The following ATP12A variants were observed in gnomAD, a reference collection of about 807,000 sequenced individuals.
ATP12A encodes potassium-transporting ATPase alpha chain 2.
A neutral mutation model predicts 111.2 loss-of-function variants in ATP12A; 81 were observed. The observed-to-expected ratio is 0.73, with a 90% CI of 0.61 to 0.88. The LOEUF is 0.88. Ranked by LOEUF, ATP12A falls within the 40% of genes least tolerant of loss-of-function variation. The pLI, the probability that ATP12A is intolerant of heterozygous loss-of-function variation, is 0.00. For missense variants in ATP12A, 1,196 were observed against 1,313.1 expected, an observed-to-expected ratio of 0.91 and a Z score of 1.38; for synonymous variants, 498 against 499.8, an observed-to-expected ratio of 1.00 and a Z score of 0.05.
chr13:24,683,066 C>G (rs1874540885), intron 2 of ATP12A, among the ~76,000 whole-genome samples: 1 of 151,716 alleles, frequency 6.6e-6, no homozygotes, highest in African/African-American at 2.4e-5. Context: ...AAGCGATTCT[C>G]TTGCCTCGGC....
chr13:24,710,756 G>A, intron 20 of ATP12A, 36 bp from the exon 21 acceptor site: 1 of 1,610,584 alleles, frequency 6.2e-7, no homozygotes, highest in Non-Finnish European at 8.5e-7. Flanking sequence ...GAAGCCACAA[G>A]AATCCCAAGT....
rs747209811 is a variant in ATP12A, at chr13:24,685,372, T to A, written c.227T>A (p.Met76Lys). 2 of 1,614,048 alleles carry A rather than the reference T, an allele frequency of 1.2e-6. No individual in the cohort carries two copies. The highest frequency in any genetic ancestry group is 2.2e-5 in the South Asian group (2 of 91,080). The change falls in exon 3 of 23, where the codon ATG (methionine) becomes AAG (lysine). Residue 76 changes from methionine to lysine, a missense_variant and splice_region_variant. Physicochemically the swap from Met to Lys is moderately conservative, Grantham distance 95. This residue lies in a region of ATP12A where 1,126 missense variants were observed against 1,228.5 expected (regional missense o/e 0.92). Coordinates refer to ENST00000381946, the MANE Select transcript of ATP12A (RefSeq NM_001676.7). This position sits in a 1 kb window ranked among gnomAD's most constrained non-coding sequence, Gnocchi z 5.5. Reference sequence around the variant, plus strand: ...GAGAAATATGGCACAGACATCATTATGGTGAGTCGTGGGAACCAGGGATTT... The same window carrying A: ...GAGAAATATGGCACAGACATCATTAAGGTGAGTCGTGGGAACCAGGGATTT... ...LEEKYGTDIIMGLSSTRAAEL... is the reference protein window; with the variant it reads ...LEEKYGTDIIKGLSSTRAAEL...
chr13:24,707,308 A>C lies in ATP12A; in HGVS notation c.2368A>C (p.Thr790Pro), dbSNP rs779242576. 3.1e-6 allele frequency: 5 copies of C among 1,614,142 alleles called. No homozygotes were observed. The highest frequency in any genetic ancestry group is 2.5e-6 in the Non-Finnish European group (3 of 1,180,022). ...GRLIFDNLKK[T>P]IAYSLTKNIA... is the part of the protein sequence containing the mutation. Reference sequence around the variant, plus strand: ...CCTGATCTTTGACAACCTCAAGAAGACTATTGCTTATTCCCTGACCAAGAA... The same window carrying C: ...CCTGATCTTTGACAACCTCAAGAAGCCTATTGCTTATTCCCTGACCAAGAA... The change falls in exon 17 of 23, where the codon ACT (threonine) becomes CCT (proline). Residue 790 changes from threonine (T) to proline (P), a missense_variant. By Grantham distance (38) the Thr-to-Pro change is conservative (BLOSUM62 -1). Coordinates refer to ENST00000381946, the MANE Select transcript of ATP12A (RefSeq NM_001676.7).
chr13:24,691,701 A>G lies in ATP12A; in HGVS notation c.1068+451A>G, dbSNP rs1874913880. ...CCAGCCCTTTCCTGGCCAACCCCAG[A>G]CCCAGCTGTTTGTATGGGCCCATGT... On this transcript the variant is annotated intron_variant, in intron 8 of 22. Coordinates refer to ENST00000381946, the MANE Select transcript of ATP12A (RefSeq NM_001676.7). 2.0e-5 allele frequency among the ~76,000 whole-genome samples: 3 copies of G among 151,740 alleles called. No homozygotes were observed. In the South Asian group the frequency reaches 6.2e-4, roughly 32 times the overall value.
At chr13:24,690,792 T>A in intron 7 of ATP12A, 71 bp downstream of exon 7, 1 of 1,492,338 alleles carries the variant, frequency 6.7e-7, no homozygotes. Flanking sequence ...CTCAGGTCTG[T>A]CCTTTGCCAC....
chr13:24,708,946 A>AAAGGAAGGAAGGAAGGAAGG (rs1555255696), intron 17 of ATP12A, among the ~76,000 whole-genome samples: 5 of 100,234 alleles, frequency 5.0e-5, no homozygotes, highest in Non-Finnish European at 7.2e-5. Context: ...AGAAAGAAAG[A>AAAGGAAGGAAGGAAGGAAGG]AAGAAAGAAA....
At chr13:24,708,922 A>AAAGAAAGC (rs1875806007) in intron 17 of ATP12A, among the ~76,000 whole-genome samples, 1 of 133,058 alleles carries the variant, frequency 7.5e-6, no homozygotes, top group Non-Finnish European at 1.6e-5. Context: ...AGAAAGAAAG[A>AAAGAAAGC]AAGAAAGAAA....
intron 8 of ATP12A, 55 bp downstream of exon 8, chr13:24,691,305 G>T: frequency 6.5e-7 from 1 of 1,543,096 alleles, no homozygotes; most frequent in Admixed American, 1.8e-5. Flanking sequence ...CAGCACTGGT[G>T]CTGGGGAGGC....
chr13:24,694,446 A>G lies in ATP12A; in HGVS notation c.1380A>G (p.Lys460=), dbSNP rs766767153. 6 of 1,612,380 alleles carry G rather than the reference A, an allele frequency of 3.7e-6. No homozygotes were observed. The highest frequency in any genetic ancestry group is 1.7e-4 in the Middle Eastern group (1 of 6,050). ...PGQENVPIMK[K]AVIGDASETA... ...TATTTTTCTTCTTTGATTCCCAGAA[A>G]GCTGTGATTGGAGATGCCTCAGAAA... is the stretch of plus-strand genomic sequence containing the variant. The change falls in exon 11 of 23, where the codon AAA becomes AAG. Residue 460 remains lysine (K), a splice_region_variant and synonymous_variant. Coordinates refer to ENST00000381946, the MANE Select transcript of ATP12A (RefSeq NM_001676.7).
Position 24,685,269 on chromosome 13 carries a change from T to A in ATP12A, c.169-45T>A. The A allele has an allele frequency of 1.3e-6, 2 of 1,587,642 alleles. No homozygotes were observed. The highest frequency in any genetic ancestry group is 1.7e-6 in the Non-Finnish European group (2 of 1,156,074). ...GGTCAAAGCTTGGGGCTTGAGTCTT[T>A]TGGAATTATCTAATTCACTCTGTTC... On this transcript the variant is annotated intron_variant, in intron 2 of 22. Transcript: ENST00000381946. The surrounding 1 kb of genome is among the most constrained non-coding windows in gnomAD (Gnocchi z 5.5).
Position 24,710,821 on chromosome 13 carries a change from C to A in ATP12A, c.2927C>A (p.Ser976Ter). The change falls in exon 21 of 23, where the codon TCA becomes TAA. Residue 976 changes from serine (S) to a stop codon, truncating the protein, a stop_gained. Transcript: ENST00000381946. LOFTEE classifies it high-confidence loss of function. ...AAAGTCATCTGGGTGGGGATCACCT[C>A]ACAGATCATCATTGGTCTGATCCTC... is the stretch of plus-strand genomic sequence containing the variant. ...RNKVIWVGIT[S>*]QIIIGLILSY... 6.2e-7 allele frequency: 1 copy of A among 1,614,208 alleles called. No individual in the cohort carries two copies. Among genetic ancestry groups the A allele is most frequent in the Non-Finnish European group, 8.5e-7 (1 of 1,180,038 alleles).
chr13:24,698,976 T>G, intron 12 of ATP12A, 126 bp downstream of exon 12: 2 of 1,204,258 alleles, frequency 1.7e-6, no homozygotes, highest in Non-Finnish European at 2.3e-6. Flanking sequence ...GAGAACATGA[T>G]AAGCAGGATG....
chr13:24,685,632 G>A lies in ATP12A; in HGVS notation c.228+259G>A, dbSNP rs765761344. On this transcript the variant is annotated intron_variant, in intron 3 of 22. Transcript: ENST00000381946. This position sits in a 1 kb window ranked among gnomAD's most constrained non-coding sequence, Gnocchi z 5.5. ...CCCTGGCCTCAAGGAGAAAGTGGCC[G>A]GGTAGGGGAGGCAAATGTGTATGGA... 6.6e-6 allele frequency among the ~76,000 whole-genome samples: 1 copy of A among 152,188 alleles called. No individual in the cohort carries two copies. The highest frequency in any genetic ancestry group is 1.5e-5 in the Non-Finnish European group (1 of 68,042).
rs1161838954 is a variant in ATP12A, at chr13:24,711,412, G to C, written c.3091+3G>C. 6.2e-7 allele frequency: 1 copy of C among 1,613,866 alleles called. No homozygotes were observed. Among genetic ancestry groups the C allele is most frequent in the Admixed American group, 1.7e-5 (1 of 60,000 alleles). On this transcript the variant is annotated splice_donor_region_variant and intron_variant, in intron 22 of 22. Coordinates refer to ENST00000381946, the MANE Select transcript of ATP12A (RefSeq NM_001676.7). Reference sequence around the variant, plus strand: ...CTTCATCAGGCTCTACCCTGGAAGTGAGTAGCCTATGATTTTAGAGGCTCT... The same window carrying C: ...CTTCATCAGGCTCTACCCTGGAAGTCAGTAGCCTATGATTTTAGAGGCTCT...
intron 20 of ATP12A, 81 bp downstream of exon 20, chr13:24,710,674 A>C: frequency 1.2e-6 from 2 of 1,607,180 alleles, no homozygotes; most frequent in Non-Finnish European, 1.7e-6. Context: ...CACAAGACAG[A>C]GTTCTGGCCA....
intron 12 of ATP12A, 108 bp from the exon 13 acceptor site, chr13:24,700,639 T>C (rs1420129468): frequency 7.3e-6 from 7 of 961,240 alleles, no homozygotes; most frequent in Non-Finnish European, 1.1e-5. Flanking sequence ...CTTATTCTAA[T>C]GTATTGGTAA....
At chr13:24,682,959 CT>C (rs34361489) in intron 2 of ATP12A, among the ~76,000 whole-genome samples, 34,837 of 138,898 alleles carry the variant, frequency 0.25, 4,616 homozygotes, top group East Asian at 0.51. Context: ...TAAAACTAGC[CT>C]TTTTTTTTTT....
chr13:24,706,420 C>A lies in ATP12A; in HGVS notation c.2126C>A (p.Ser709Tyr), dbSNP rs775980059. 6.2e-7 allele frequency: 1 copy of A among 1,613,934 alleles called. No homozygotes were observed. Among genetic ancestry groups the A allele is most frequent in the Non-Finnish European group, 8.5e-7 (1 of 1,179,982 alleles). The change falls in exon 15 of 23, where the codon TCC becomes TAC. Residue 709 changes from serine to tyrosine, a missense_variant. Transcript: ENST00000381946. ...CAGGAGATTGTCTTTGCCCGGACATCCCCCCAGCAGAAGCTGATCATTGTG... is the reference window on the plus strand; with the variant it reads ...CAGGAGATTGTCTTTGCCCGGACATACCCCCAGCAGAAGCTGATCATTGTG... ...NYQEIVFART[S>Y]PQQKLIIVEG...
At chr13:24,699,907 G>T (rs1455272068) in intron 12 of ATP12A, among the ~76,000 whole-genome samples, 1 of 152,188 alleles carries the variant, frequency 6.6e-6, no homozygotes, top group Non-Finnish European at 1.5e-5. Context: ...AAAGGCTATT[G>T]GAGTTGGCAA....
Sources: allele counts gnomAD v4.1 joint callset (sites outside exome capture counted in the v4.1 genomes callset), GRCh38; gene constraint gnomAD v4.1.1; regional missense constraint gnomAD v4.1.1; non-coding constraint Gnocchi (gnomAD v3.1); transcripts MANE v1.5; gene names NCBI Gene and HGNC (gene_info 2026-07-23, HGNC 2026-07-21).